The following OR2L13 variants were observed in gnomAD, a reference collection of about 807,000 sequenced individuals.
OR2L13 encodes the protein olfactory receptor family 2 subfamily L member 13.
OR2L13 carries 14 observed loss-of-function variants against 15.3 expected under a neutral mutation model. The ratio of observed to expected loss-of-function variants is 0.91; its 90% CI spans 0.60 to 1.43. OR2L13 has a LOEUF of 1.43. OR2L13 is among the 40% of genes most tolerant of loss of function. OR2L13 has a pLI of 0.00. For missense variants in OR2L13, 367 were observed against 387.9 expected (o/e 0.95, Z 0.45); for synonymous variants, 152 against 142.9 (o/e 1.06, Z -0.45).
At chr1:247,956,193 A>T in the OR2L13 span, among the ~76,000 whole-genome samples, 1 of 151,994 alleles carries the variant, frequency 6.6e-6, no homozygotes, top group Admixed American at 6.6e-5. Flanking sequence ...CCATTTATTA[A>T]ATAGGGAATC....
the OR2L13 span, among the ~76,000 whole-genome samples, chr1:248,043,174 ATGTTAAAATC>A: frequency 6.6e-6 from 1 of 152,126 alleles, no homozygotes; most frequent in Admixed American, 6.5e-5. Context: ...ACCCATTCCC[ATGTTAAAATC>A]TGGGATCCAA....
chr1:247,940,735 TGTGTGTGTGTGTGTGTGTGTGC>T, the OR2L13 span, among the ~76,000 whole-genome samples: 1 of 148,298 alleles, frequency 6.7e-6, no homozygotes, highest in South Asian at 2.1e-4. Context: ...TACGTGCGTG[TGTGTGTGTGTGTGTGTGTGTGC>T]GCGCGCTAAG....
chr1:248,099,617 C>A lies in OR2L13; in HGVS notation c.242C>A (p.Ala81Glu), dbSNP rs948032044. Residue 81 changes from alanine to glutamate, a missense_variant, in exon 3 of 3, where the codon GCG becomes GAG. Coordinates refer to ENST00000641714, the Ensembl canonical transcript of OR2L13. ...ATCTCCACCACCGTCCCCAAGATGG[C>A]GTACAACTTCCTGTCCGGCCAGAAA... is the stretch of plus-strand genomic sequence containing the variant. 3 of 1,613,970 alleles carry A rather than the reference C, an allele frequency of 1.9e-6. No individual in the cohort carries two copies. The East Asian group carries it at 6.7e-5, about 36-fold the overall frequency.
the OR2L13 span, among the ~76,000 whole-genome samples, chr1:247,967,451 A>T: frequency 6.6e-6 from 1 of 151,706 alleles, no homozygotes; most frequent in Non-Finnish European, 1.5e-5. Flanking sequence ...CTGGTTTCGA[A>T]CTCCTGATCT....
At chr1:247,947,441 T>C in the OR2L13 span, among the ~76,000 whole-genome samples, 1 of 152,230 alleles carries the variant, frequency 6.6e-6, no homozygotes, top group Non-Finnish European at 1.5e-5. Context: ...CTGGTTCTTT[T>C]AGGCTTACTG....
At chr1:247,947,535 C>CT in the OR2L13 span, among the ~76,000 whole-genome samples, 3 of 151,996 alleles carry the variant, frequency 2.0e-5, no homozygotes, top group Non-Finnish European at 2.9e-5. Context: ...ATTTTAGTTT[C>CT]TTTTTTTTAT....
At chr1:248,006,790 A>G in the OR2L13 span, among the ~76,000 whole-genome samples, 3 of 152,112 alleles carry the variant, frequency 2.0e-5, no homozygotes, top group Non-Finnish European at 4.4e-5. Context: ...GTCACAGCAG[A>G]CAGTACCAAC....
chr1:248,068,376 C>G, the OR2L13 span, among the ~76,000 whole-genome samples: 5 of 152,084 alleles, frequency 3.3e-5, no homozygotes, highest in African/African-American at 1.2e-4. Context: ...CTGCTGGTAC[C>G]CAGGCAAACA....
the OR2L13 span, among the ~76,000 whole-genome samples, chr1:248,072,413 C>A: frequency 6.6e-6 from 1 of 152,102 alleles, no homozygotes; most frequent in Non-Finnish European, 1.5e-5. Flanking sequence ...GCTGGGAAAA[C>A]CCATAGCCAT....
the OR2L13 span, among the ~76,000 whole-genome samples, chr1:248,015,288 G>T: frequency 6.6e-6 from 1 of 152,156 alleles, no homozygotes; most frequent in African/African-American, 2.4e-5. Context: ...ATCTATTGTG[G>T]AGGAACTTGA....
chr1:248,095,754 ATG>A (rs1664723932), upstream of OR2L13, among the ~76,000 whole-genome samples: 5 of 150,476 alleles, frequency 3.3e-5, no homozygotes, highest in African/African-American at 1.2e-4. Context: ...TCACAGGCGC[ATG>A]CCACCACGCC....
the OR2L13 span, among the ~76,000 whole-genome samples, chr1:248,077,624 A>T: frequency 6.6e-6 from 1 of 151,972 alleles, no homozygotes. Context: ...AATCTTTATG[A>T]CTTGGGGTTA....
At chr1:247,996,853 A>C in the OR2L13 span, 1 of 152,200 alleles carries the variant, frequency 6.6e-6, no homozygotes, top group Non-Finnish European at 1.5e-5. Context: ...TTTAAACTTG[A>C]CAAAAAAAAT....
the OR2L13 span, among the ~76,000 whole-genome samples, chr1:248,070,362 C>T: frequency 6.6e-6 from 1 of 151,990 alleles, no homozygotes; most frequent in Non-Finnish European, 1.5e-5. Flanking sequence ...GAACAACCTG[C>T]TCCTGAATGA....
At chr1:247,981,846 C>T in the OR2L13 span, among the ~76,000 whole-genome samples, 38 of 150,602 alleles carry the variant, frequency 2.5e-4, no homozygotes, top group Non-Finnish European at 4.6e-4. Context: ...GACGGAGTCT[C>T]GCTCTGTCGC....
chr1:248,003,522 A>G, the OR2L13 span: 45 of 1,612,342 alleles, frequency 2.8e-5, no homozygotes, highest in African/African-American at 4.1e-4. Context: ...CCTCTCCACT[A>G]TCTCATCCGC....
chr1:248,022,250 C>T, the OR2L13 span: 1 of 1,613,684 alleles, frequency 6.2e-7, no homozygotes, highest in East Asian at 2.2e-5. Flanking sequence ...TTCAGAGTTT[C>T]TTCTTCATGA....
chr1:247,997,615 A>G, the OR2L13 span, among the ~76,000 whole-genome samples: 1 of 152,194 alleles, frequency 6.6e-6, no homozygotes, highest in Admixed American at 6.5e-5. Context: ...GGATGCCTGA[A>G]TAACAACATT....
the OR2L13 span, among the ~76,000 whole-genome samples, chr1:247,985,162 T>G: frequency 6.6e-6 from 1 of 152,158 alleles, no homozygotes; most frequent in African/African-American, 2.4e-5. Flanking sequence ...GCAGGTTAGT[T>G]ACATATGTAT....
Sources: allele counts gnomAD v4.1 joint callset (sites outside exome capture counted in the v4.1 genomes callset), GRCh38; gene constraint gnomAD v4.1.1; transcripts MANE v1.5; gene names NCBI Gene and HGNC (gene_info 2026-07-23, HGNC 2026-07-21).